Variants in RNF213 observed in about 807,000 individuals in gnomAD.
RNF213 encodes E3 ubiquitin-protein ligase RNF213.
A neutral mutation model predicts 514.4 loss-of-function variants in RNF213; 341 were observed. The ratio of observed to expected loss-of-function variants is 0.66; its 90% confidence interval spans 0.61 to 0.73. RNF213 has a LOEUF of 0.73. Among genes scored for constraint, RNF213 ranks in the 30% least tolerant of loss-of-function variants. The pLI is 0.00. For missense variants in RNF213, 5,767 were observed against 6,615.6 expected (o/e 0.87, Z 4.45); for synonymous variants, 2,655 against 2,658.2 (o/e 1.00, Z 0.04).
rs563539905 is a variant in RNF213 at position 80,343,484 on chromosome 17, C to T, written c.6183+159C>T. Among the ~76,000 whole-genome samples the T allele has an allele frequency of 2.8e-4, 42 of 152,260 alleles. No individual in the cohort carries two copies. The highest frequency in any genetic ancestry group is 6.2e-4 in the South Asian group (3 of 4,824). On this transcript the variant is annotated intron_variant, in intron 27 of 67. Coordinates refer to ENST00000582970, the MANE Select transcript of RNF213 (RefSeq NM_001256071.3). The surrounding 1 kb of genome is among the most constrained non-coding windows in gnomAD (Gnocchi z 4.3). The stretch of plus-strand genomic sequence containing the variant: ...GTGCTCTGAGAAGTGTGTTGTCAGG[C>T]AGTTTCCTCCTTGTGTGAACGTCAT...
In RNF213 at chr17:80,347,392, A is replaced by G. The variant is rs778352084; in HGVS notation, c.9057A>G (p.Lys3019=). The G allele has an allele frequency of 1.2e-6, 2 of 1,613,974 alleles. No individual in the cohort carries two copies. The highest frequency in any genetic ancestry group is 2.2e-5 in the South Asian group (2 of 91,088). Residue 3019 remains lysine (K), a synonymous_variant, in exon 29 of 68, where the codon AAA becomes AAG. Coordinates refer to ENST00000582970, the MANE Select transcript of RNF213 (RefSeq NM_001256071.3). The surrounding 1 kb of genome is among the most constrained non-coding windows in gnomAD (Gnocchi z 7.2). ...SEEVSPMQLI[K]QNIFGPSQKV... The stretch of plus-strand genomic sequence containing the variant: ...AAGTCAGCCCCATGCAGCTGATCAA[A>G]CAGAACATCTTTGGGCCTTCTCAGA...
At chr17:80,361,989 T>C in intron 39 of RNF213, 101 bp downstream of exon 39, 2 of 1,379,588 alleles carry the variant, frequency 1.4e-6, no homozygotes, top group Non-Finnish European at 1.0e-6. Context: ...GAGCTGGTGC[T>C]GTGAAGTCTG....
At chr17:80,344,313 G>T (rs1178237107) in intron 28 of RNF213, among the ~76,000 whole-genome samples, 1 of 152,200 alleles carries the variant, frequency 6.6e-6, no homozygotes, top group Admixed American at 6.5e-5. Flanking sequence ...TTCATCTGTT[G>T]AAAGACCTCA....
chr17:80,299,909 C>T (rs1480789541), intron 11 of RNF213, among the ~76,000 whole-genome samples: 1 of 152,200 alleles, frequency 6.6e-6, no homozygotes, highest in African/African-American at 2.4e-5. Context: ...TTTTTTATGG[C>T]TGCATAGTAT....
chr17:80,270,240 G>A (rs2043773718), intron 2 of RNF213, among the ~76,000 whole-genome samples: 1 of 152,234 alleles, frequency 6.6e-6, no homozygotes, highest in African/African-American at 2.4e-5. Flanking sequence ...CACCCAGCAG[G>A]GCCTGACTCA....
intron 1 of RNF213, among the ~76,000 whole-genome samples, chr17:80,262,147 A>C (rs898183862): frequency 2.0e-5 from 3 of 151,728 alleles, no homozygotes; most frequent in Non-Finnish European, 2.9e-5. Context: ...TGAGGGAGGG[A>C]GTGTCCACTG....
rs373438033 is a variant in RNF213 at position 80,346,090 on chromosome 17, G to A, written c.7755G>A (p.Leu2585=). The change falls in exon 29 of 68, where the codon CTG becomes CTA. Residue 2585 remains leucine, a synonymous_variant. Transcript: ENST00000582970. This position sits in a 1 kb window ranked among gnomAD's most constrained non-coding sequence, Gnocchi z 8.1. ...CTCTGGTGTGGGACTTTGGACAACT[G>A]AGTGACGTTGCTGAAAAGCTCTACA... ...LIPLVWDFGQ[L]SDVAEKLYIQ... is the part of the protein sequence containing the mutation. 2 of 1,614,184 alleles carry A rather than the reference G, an allele frequency of 1.2e-6. No homozygotes were observed. The highest frequency in any genetic ancestry group is 2.2e-5 in the East Asian group (1 of 44,884).
rs978234033 is a variant in RNF213 at position 80,343,861 on chromosome 17, A to G, written c.6188A>G (p.Gln2063Arg). Reference sequence around the variant, plus strand: ...CTCGTGCGATTCTGTTCTTAGGTGCAGACTGGAATTTGGGTGTTTCTTTTC... The same window carrying G: ...CTCGTGCGATTCTGTTCTTAGGTGCGGACTGGAATTTGGGTGTTTCTTTTC... ...LFHLDVTSSV[Q>R]TGIWVFLFKL... The change falls in exon 28 of 68, where the codon CAG becomes CGG. Residue 2063 changes from glutamine (Q) to arginine (R), a missense_variant. Coordinates refer to ENST00000582970, the MANE Select transcript of RNF213 (RefSeq NM_001256071.3). This position sits in a 1 kb window ranked among gnomAD's most constrained non-coding sequence, Gnocchi z 4.3. 6.2e-6 allele frequency: 10 copies of G among 1,614,064 alleles called. 1 individual carries two copies. In the African/African-American group the frequency reaches 1.2e-4, roughly 19 times the overall value.
chr17:80,315,858 G>A (rs1468143722), intron 15 of RNF213: 1 of 53,172 alleles, frequency 1.9e-5, no homozygotes, highest in African/African-American at 6.4e-5. Flanking sequence ...TGGTGGTGGA[G>A]GTGATGGTGG....
chr17:80,351,998 G>A lies in RNF213; in HGVS notation c.10303+195G>A. 4.4e-6 allele frequency: 2 copies of A among 456,780 alleles called. 1 individual carries two copies. The allele number at this position is 456,780 out of a possible 1,614,324, so 28.3% of individuals were successfully genotyped here. A position where few individuals can be genotyped will look rare whatever the true frequency, so the allele number is the denominator to read the frequency against. Reference sequence around the variant, plus strand: ...GCCTCCCAAGTAGCTGGCATTACAGGCGTGCGCCACCATGCCCAGCTAATT... The same window carrying A: ...GCCTCCCAAGTAGCTGGCATTACAGACGTGCGCCACCATGCCCAGCTAATT... On this transcript the variant is annotated intron_variant, in intron 32 of 67. Coordinates refer to ENST00000582970, the MANE Select transcript of RNF213 (RefSeq NM_001256071.3).
At chr17:80,364,895 A>G (rs1254633955) in intron 42 of RNF213, 16 of 344,112 alleles carry the variant, frequency 4.6e-5, no homozygotes, top group Non-Finnish European at 3.4e-5. Flanking sequence ...TAGCCTGGCC[A>G]TCTGTGGAAG....
chr17:80,279,456 T>TTTAC (rs1037678002), intron 3 of RNF213, among the ~76,000 whole-genome samples: 1 of 151,998 alleles, frequency 6.6e-6, no homozygotes, highest in African/African-American at 2.4e-5. Context: ...TCTCTTTTTC[T>TTTAC]TTTCTTTCTT....
chr17:80,268,746 C>T (rs2043698989), intron 2 of RNF213, among the ~76,000 whole-genome samples: 1 of 152,110 alleles, frequency 6.6e-6, no homozygotes. Flanking sequence ...ATCCATCTAT[C>T]TATAAGTCTG....
At chr17:80,382,823 C>A in intron 57 of RNF213, 156 bp from the exon 58 acceptor site, 1 of 634,992 alleles carries the variant, frequency 1.6e-6, no homozygotes. Flanking sequence ...TTGGTGGTAA[C>A]AACAGGAACT....
chr17:80,280,223 A>G (rs961111914), intron 3 of RNF213, among the ~76,000 whole-genome samples: 2 of 152,200 alleles, frequency 1.3e-5, no homozygotes, highest in Non-Finnish European at 1.5e-5. Flanking sequence ...CAATAGCAAC[A>G]AAAATGTGAG....
At chr17:80,328,099 G>C (rs2046325432) in intron 19 of RNF213, 110 bp downstream of exon 19, 1 of 1,293,520 alleles carries the variant, frequency 7.7e-7, no homozygotes, top group African/African-American at 1.5e-5. Context: ...TCTTAGCCTT[G>C]ATAATGAGTA....
At position 80,288,775 on chromosome 17, in the gene RNF213, G is replaced by T. The variant is rs1284148055; in HGVS notation, c.933+20G>T. The T allele has an allele frequency of 1.9e-6, 3 of 1,613,944 alleles. No individual in the cohort carries two copies. The highest frequency in any genetic ancestry group is 1.7e-5 in the Admixed American group (1 of 60,032). ...TGCCAGGTGCGTCTCCTTCCTGCCT[G>T]CCGGCTCCAGGAGGCCCTCTCCTGC... is the stretch of plus-strand genomic sequence containing the variant. On this transcript the variant is annotated intron_variant, in intron 5 of 67. Coordinates refer to ENST00000582970, the MANE Select transcript of RNF213 (RefSeq NM_001256071.3). The surrounding 1 kb of genome is among the most constrained non-coding windows in gnomAD (Gnocchi z 4.9).
chr17:80,309,257 TTC>T, intron 14 of RNF213, 86 bp downstream of exon 14: 1 of 1,504,018 alleles, frequency 6.6e-7, no homozygotes, highest in South Asian at 1.1e-5. Context: ...AACAGACTGA[TTC>T]CCGGGTGCTG....
chr17:80,275,203 G>A (rs892063611), intron 3 of RNF213, among the ~76,000 whole-genome samples: 6 of 151,284 alleles, frequency 4.0e-5, no homozygotes, highest in African/African-American at 1.5e-4. Context: ...TGTGGGAGTG[G>A]GGTGTGTGTG....
Sources: allele counts gnomAD v4.1 joint callset (sites outside exome capture counted in the v4.1 genomes callset), GRCh38; gene constraint gnomAD v4.1.1; non-coding constraint Gnocchi (gnomAD v3.1); transcripts MANE v1.5; gene names NCBI Gene and HGNC (gene_info 2026-07-23, HGNC 2026-07-21).